SPHKAP: variants seen among roughly 807,000 people sequenced by gnomAD.
SPHKAP encodes the protein A-kinase anchor protein SPHKAP.
A neutral mutation model predicts 137.5 loss-of-function variants in SPHKAP; 67 were observed. The ratio of observed to expected loss-of-function variants is 0.49; its 90% CI spans 0.40 to 0.60. The LOEUF is 0.60. SPHKAP is among the 20% of genes least tolerant of loss of function. The pLI, the probability that SPHKAP is intolerant of heterozygous loss-of-function variation, is 0.00. For missense variants in SPHKAP, 2,097 were observed against 2,069.3 expected, an observed-to-expected ratio of 1.01 and a Z score of -0.26; for synonymous variants, 813 against 785.3, an observed-to-expected ratio of 1.04 and a Z score of -0.59.
At chr2:228,004,378 G>T (rs1394883816) in intron 7 of SPHKAP, among the ~76,000 whole-genome samples, 1 of 152,158 alleles carries the variant, frequency 6.6e-6, no homozygotes. Context: ...TCTGATGGTA[G>T]TTTGCATTTC....
intron 3 of SPHKAP, among the ~76,000 whole-genome samples, chr2:228,044,918 C>A (rs913709885): frequency 2.0e-5 from 3 of 151,980 alleles, no homozygotes; most frequent in Non-Finnish European, 4.4e-5. Context: ...ACAAACAACC[C>A]CATCAAAAAG....
At chr2:228,063,475 T>C (rs897913002) in intron 3 of SPHKAP, among the ~76,000 whole-genome samples, 6 of 152,226 alleles carry the variant, frequency 3.9e-5, no homozygotes, top group Non-Finnish European at 7.3e-5. Flanking sequence ...TAACAAACTA[T>C]AGAGTGGCTA....
At chr2:228,061,248 ATTATT>A (rs147247378) in intron 3 of SPHKAP, among the ~76,000 whole-genome samples, 12,872 of 151,836 alleles carry the variant, frequency 0.085, 603 homozygotes, top group Middle Eastern at 0.19. Context: ...TATTATCATT[ATTATT>A]TTATTTTATT....
At chr2:228,008,777 C>T (rs1280050958) in intron 7 of SPHKAP, among the ~76,000 whole-genome samples, 1 of 150,556 alleles carries the variant, frequency 6.6e-6, no homozygotes, top group Non-Finnish European at 1.5e-5. Flanking sequence ...GTTTCTTTGT[C>T]AAAGATCCAT....
Position 228,132,087 on chromosome 2 carries a change from T to C in SPHKAP, c.33-2A>G. ...TACATCCGTGATGACTCCAAGTTGC[T>C]GTTTGTGACCCAAAACACAAAAACA... On this transcript the variant is annotated splice_acceptor_variant, in intron 1 of 11. Transcript: ENST00000392056. LOFTEE classifies it high-confidence loss of function. The C allele has an allele frequency of 1.2e-6, 2 of 1,613,332 alleles. No homozygotes were observed. The highest frequency in any genetic ancestry group is 1.7e-6 in the Non-Finnish European group (2 of 1,179,754).
intron 6 of SPHKAP, among the ~76,000 whole-genome samples, chr2:228,020,974 A>G (rs2106218962): frequency 6.6e-6 from 1 of 152,248 alleles, no homozygotes; most frequent in East Asian, 1.9e-4. Context: ...TGGGTACAGA[A>G]GGAGAAGGGA....
At chr2:228,046,823 A>G (rs1447722835) in intron 3 of SPHKAP, among the ~76,000 whole-genome samples, 2 of 152,186 alleles carry the variant, frequency 1.3e-5, no homozygotes, top group Non-Finnish European at 2.9e-5. Flanking sequence ...AGCCTCAAAA[A>G]GACCCCCCTC....
chr2:228,053,093 G>T (rs1250870765), intron 3 of SPHKAP, among the ~76,000 whole-genome samples: 1 of 152,084 alleles, frequency 6.6e-6, no homozygotes, highest in Non-Finnish European at 1.5e-5. Context: ...CCTGCTGAAG[G>T]CTCTCTTTCT....
intron 3 of SPHKAP, among the ~76,000 whole-genome samples, chr2:228,067,609 T>C (rs372064115): frequency 2.0e-5 from 3 of 152,298 alleles, no homozygotes; most frequent in African/African-American, 7.2e-5. Context: ...GCTCTCAGCT[T>C]TCAAATGAGC....
At chr2:228,013,453 G>A (rs1694461640) in intron 7 of SPHKAP, among the ~76,000 whole-genome samples, 1 of 152,060 alleles carries the variant, frequency 6.6e-6, no homozygotes, top group Non-Finnish European at 1.5e-5. Context: ...CACCACCTTG[G>A]CCAGGCTGGT....
In SPHKAP at chr2:228,126,755, C is replaced by G. The variant is rs114599622; in HGVS notation, c.138+5225G>C. ...TTGAAGAGTTCCTCCCTAAGCACAC[C>G]AAAGTCTCTTTCCTGATGCTATGGC... On this transcript the variant is annotated intron_variant, in intron 2 of 11. Coordinates refer to ENST00000392056, the MANE Select transcript of SPHKAP (RefSeq NM_001142644.2). 3.4e-3 allele frequency among the ~76,000 whole-genome samples: 519 copies of G among 152,222 alleles called. 4 individuals carry two copies. Among genetic ancestry groups the G allele is most frequent in the African/African-American group, 0.012 (505 of 41,542 alleles).
intron 3 of SPHKAP, among the ~76,000 whole-genome samples, chr2:228,078,966 G>A (rs939595415): frequency 1.5e-4 from 23 of 152,196 alleles, no homozygotes; most frequent in African/African-American, 5.5e-4. Flanking sequence ...CCAGGCTTTA[G>A]GCCTATGTCA....
chr2:228,057,390 A>T (rs140331149), intron 3 of SPHKAP, among the ~76,000 whole-genome samples: 2 of 152,308 alleles, frequency 1.3e-5, no homozygotes, highest in African/African-American at 2.4e-5. Context: ...CTACATGATT[A>T]TCTGCATCTC....
rs189334434 is a variant in SPHKAP, at chr2:228,044,746, T to C, written c.247-17203A>G. On this transcript the variant is annotated intron_variant, in intron 3 of 11. Transcript: ENST00000392056. ...GAGTAGGATAACAACTAGTTTTTCA[T>C]ATTTGTTTCCTTTGACAATGATGCT... Among the ~76,000 whole-genome samples, 977 of 152,304 alleles carry C rather than the reference T, an allele frequency of 6.4e-3. 4 individuals carry two copies. The highest frequency in any genetic ancestry group is 0.011 in the Non-Finnish European group (720 of 68,020).
At chr2:227,999,380 GA>G (rs1426588140) in intron 7 of SPHKAP, among the ~76,000 whole-genome samples, 1 of 151,724 alleles carries the variant, frequency 6.6e-6, no homozygotes, top group Admixed American at 6.6e-5. Context: ...AAATTCAAAT[GA>G]AAAAAAAGTT....
chr2:228,094,467 A>T (rs550955537), intron 3 of SPHKAP, among the ~76,000 whole-genome samples: 2 of 152,314 alleles, frequency 1.3e-5, no homozygotes, highest in South Asian at 4.1e-4. Context: ...ACACTTGTAC[A>T]TTCTATTTGT....
At chr2:228,040,346 G>A (rs1439750847) in intron 3 of SPHKAP, among the ~76,000 whole-genome samples, 1 of 152,046 alleles carries the variant, frequency 6.6e-6, no homozygotes, top group African/African-American at 2.4e-5. Flanking sequence ...TTAGATTCAG[G>A]ACCCTGGACC....
chr2:227,999,105 G>A (rs1474639818), intron 7 of SPHKAP, among the ~76,000 whole-genome samples: 2 of 152,162 alleles, frequency 1.3e-5, no homozygotes, highest in Admixed American at 6.6e-5. Flanking sequence ...CTTTTTGAGT[G>A]TGATTAAAAA....
chr2:228,134,841 C>G (rs1699382878), intron 1 of SPHKAP, among the ~76,000 whole-genome samples: 1 of 152,168 alleles, frequency 6.6e-6, no homozygotes, highest in Non-Finnish European at 1.5e-5. Context: ...CAGGCCATCC[C>G]TGGACTTATG....
Sources: gnomAD v4.1 joint callset for allele counts (sites outside exome capture counted in the v4.1 genomes callset) on GRCh38, gnomAD v4.1.1 for gene constraint, MANE v1.5 for transcripts, NCBI Gene and HGNC (gene_info 2026-07-23, HGNC 2026-07-21) for gene names.